GTF2B: variants seen among roughly 807,000 people sequenced by gnomAD.
GTF2B encodes the protein general transcription factor IIB, also known as transcription initiation factor IIB.
A neutral mutation model predicts 34.6 loss-of-function variants in GTF2B; 20 were observed. The ratio of observed to expected loss-of-function variants is 0.58; its 90% CI spans 0.41 to 0.84. The LOEUF (loss-of-function observed/expected upper bound fraction) is 0.84, where lower values mean the gene tolerates loss of function less well. GTF2B is among the 40% of genes least tolerant of loss of function. The pLI, the probability that GTF2B is intolerant of heterozygous loss-of-function variation, is 0.00. For synonymous variants in GTF2B, 142 were observed against 132.4 expected (o/e 1.07, Z -0.50); for missense variants, 237 against 393.3 (o/e 0.60, Z 3.36).
At chr1:88,884,887 T>C (rs1395047264) in intron 2 of GTF2B, among the ~76,000 whole-genome samples, 2 of 152,240 alleles carry the variant, frequency 1.3e-5, no homozygotes, top group Non-Finnish European at 1.5e-5. Context: ...AAAGTTAACT[T>C]TTCTTGTTTT....
At chr1:88,887,774 T>C in intron 1 of GTF2B, 1 of 218,300 alleles carries the variant, frequency 4.6e-6, no homozygotes, top group East Asian at 1.6e-4. Context: ...AATTTCTCTC[T>C]GTATTTTTCT....
At chr1:88,856,272 C>CAAACAAAAAAAAAAAAAAA (rs1673302947) in intron 6 of GTF2B, among the ~76,000 whole-genome samples, 1 of 50,044 alleles carries the variant, frequency 2.0e-5, no homozygotes, top group African/African-American at 8.9e-5. Flanking sequence ...GTTTCAAAAA[C>CAAACAAAAAAAAAAAAAAA]AAAAAAAAAA....
chr1:88,863,898 G>T, intron 3 of GTF2B, 83 bp downstream of exon 3: 1 of 1,215,136 alleles, frequency 8.2e-7, no homozygotes, highest in Non-Finnish European at 1.2e-6. Flanking sequence ...CTGGTGCAGT[G>T]ACTGATACTT....
intron 5 of GTF2B, chr1:88,858,867 CTTTTTTTTTT>C (rs577030619): frequency 7.3e-6 from 1 of 137,044 alleles, no homozygotes; most frequent in Non-Finnish European, 1.6e-5. Flanking sequence ...TAACTGATAA[CTTTTTTTTTT>C]TTTTTTTTGA....
chr1:88,876,358 CCT>C (rs1431340888), intron 2 of GTF2B, among the ~76,000 whole-genome samples: 1 of 152,038 alleles, frequency 6.6e-6, no homozygotes, highest in Non-Finnish European at 1.5e-5. Context: ...TTAGAATCAC[CCT>C]CTTTTTCTAC....
chr1:88,873,199 T>C (rs1356955956), intron 2 of GTF2B, among the ~76,000 whole-genome samples: 1 of 145,512 alleles, frequency 6.9e-6, no homozygotes, highest in Non-Finnish European at 1.5e-5. Context: ...TTTTTTTTTT[T>C]TTTTTTTTGA....
At chr1:88,880,595 T>C (rs1012656862) in intron 2 of GTF2B, among the ~76,000 whole-genome samples, 3 of 152,166 alleles carry the variant, frequency 2.0e-5, no homozygotes, top group African/African-American at 7.2e-5. Flanking sequence ...CACATTCACA[T>C]ATATGGCAGG....
chr1:88,883,275 T>G (rs901203776), intron 2 of GTF2B, among the ~76,000 whole-genome samples: 2 of 152,196 alleles, frequency 1.3e-5, no homozygotes, highest in Non-Finnish European at 2.9e-5. Flanking sequence ...GCAGTACTGA[T>G]TCAGAAAAAT....
intron 2 of GTF2B, among the ~76,000 whole-genome samples, chr1:88,873,079 C>A (rs1460268699): frequency 1.3e-5 from 2 of 151,808 alleles, no homozygotes; most frequent in Non-Finnish European, 2.9e-5. Context: ...AATCTTCCAA[C>A]ATCACTAACA....
intron 2 of GTF2B, among the ~76,000 whole-genome samples, chr1:88,876,211 A>G (rs1429360320): frequency 6.6e-6 from 1 of 152,260 alleles, no homozygotes; most frequent in African/African-American, 2.4e-5. Flanking sequence ...TTTAGGAAAC[A>G]CTGTTAATGC....
intron 2 of GTF2B, among the ~76,000 whole-genome samples, chr1:88,865,472 A>G (rs1043138984): frequency 1.3e-5 from 2 of 152,254 alleles, no homozygotes; most frequent in Non-Finnish European, 2.9e-5. Context: ...CTGTAATCCC[A>G]GCACTTTGGG....
chr1:88,873,674 G>T (rs1269196419), intron 2 of GTF2B, among the ~76,000 whole-genome samples: 6 of 152,140 alleles, frequency 3.9e-5, no homozygotes, highest in Non-Finnish European at 8.8e-5. Context: ...CCTTACTATG[G>T]CTTGCATTTT....
intron 2 of GTF2B, among the ~76,000 whole-genome samples, chr1:88,872,823 C>T (rs1673728344): frequency 1.3e-5 from 2 of 151,986 alleles, no homozygotes; most frequent in Admixed American, 6.6e-5. Flanking sequence ...TCTCCTTGTG[C>T]TGTGTTACTT....
intron 1 of GTF2B, among the ~76,000 whole-genome samples, chr1:88,890,865 A>T (rs1437157157): frequency 6.6e-6 from 1 of 152,080 alleles, no homozygotes; most frequent in Middle Eastern, 3.2e-3. Context: ...TTTTCTTCAG[A>T]AGTACACAGG....
intron 1 of GTF2B, among the ~76,000 whole-genome samples, chr1:88,890,422 A>G (rs1228433504): frequency 6.6e-6 from 1 of 152,236 alleles, no homozygotes; most frequent in African/African-American, 2.4e-5. Flanking sequence ...AGTTACCAGA[A>G]AAGGCTATTT....
At chr1:88,868,774 C>CG (rs1673617101) in intron 2 of GTF2B, among the ~76,000 whole-genome samples, 1 of 151,452 alleles carries the variant, frequency 6.6e-6, no homozygotes, top group African/African-American at 2.4e-5. Flanking sequence ...CTCGCTCTGT[C>CG]GCCCAGGCTA....
intron 2 of GTF2B, among the ~76,000 whole-genome samples, chr1:88,883,131 A>G (rs1479488433): frequency 6.6e-6 from 1 of 152,246 alleles, no homozygotes; most frequent in Non-Finnish European, 1.5e-5. Context: ...AATTGACTTT[A>G]CTGCACTTTA....
At chr1:88,883,213 C>T (rs1673986635) in intron 2 of GTF2B, among the ~76,000 whole-genome samples, 1 of 152,192 alleles carries the variant, frequency 6.6e-6, no homozygotes, top group South Asian at 2.1e-4. Context: ...AGCAAGTTTG[C>T]AGCAAAAGCT....
At chr1:88,882,617 T>C (rs1013981672) in intron 2 of GTF2B, among the ~76,000 whole-genome samples, 11 of 152,206 alleles carry the variant, frequency 7.2e-5, no homozygotes, top group African/African-American at 2.2e-4. Context: ...TTTCACTTAA[T>C]TGGAGTTCAA....
Sources: allele counts gnomAD v4.1 joint callset (sites outside exome capture counted in the v4.1 genomes callset), GRCh38; gene constraint gnomAD v4.1.1; transcripts MANE v1.5; gene names NCBI Gene and HGNC (gene_info 2026-07-23, HGNC 2026-07-21).